TRPM6: variants seen among roughly 807,000 people sequenced by gnomAD.
The protein encoded by TRPM6 is channel kinase 2.
TRPM6 carries 111 observed loss-of-function variants against 247.6 expected under a neutral mutation model. That is an observed-to-expected ratio of 0.45 (90% CI 0.38 to 0.52). The LOEUF (loss-of-function observed/expected upper bound fraction) is 0.52. TRPM6 is among the 20% of genes least tolerant of loss of function. The pLI is 0.00. For missense variants in TRPM6, 2,126 were observed against 2,421.5 expected (o/e 0.88, Z 2.56); for synonymous variants, 892 against 853.8 (o/e 1.04, Z -0.78).
intron 20 of TRPM6, 66 bp from the exon 21 acceptor site, chr9:74,786,191 T>C: frequency 6.4e-7 from 1 of 1,562,976 alleles, no homozygotes; most frequent in Non-Finnish European, 8.8e-7. Context: ...AATATGATCT[T>C]CTTAAATACA....
chr9:74,814,727 G>A (rs1828865226), intron 11 of TRPM6, among the ~76,000 whole-genome samples: 3 of 152,168 alleles, frequency 2.0e-5, no homozygotes, highest in Admixed American at 6.5e-5. Context: ...GAGGCAGGTG[G>A]ATTGCTTGAG....
chr9:74,769,861 T>G (rs1826969927), intron 25 of TRPM6, among the ~76,000 whole-genome samples: 1 of 151,734 alleles, frequency 6.6e-6, no homozygotes, highest in Non-Finnish European at 1.5e-5. Flanking sequence ...AACTAGTAAG[T>G]GCCTAAAGCA....
At chr9:74,776,618 C>A (rs1827232032) in intron 23 of TRPM6, among the ~76,000 whole-genome samples, 1 of 152,106 alleles carries the variant, frequency 6.6e-6, no homozygotes, top group Non-Finnish European at 1.5e-5. Context: ...ATTAACTTTA[C>A]AATAAAAGTA....
At chr9:74,756,135 C>T (rs1006964454) in intron 27 of TRPM6, among the ~76,000 whole-genome samples, 76 of 152,186 alleles carry the variant, frequency 5.0e-4, no homozygotes, top group African/African-American at 1.8e-3. Context: ...GAACTCTGGA[C>T]ATTTGAACTA....
intron 1 of TRPM6, among the ~76,000 whole-genome samples, chr9:74,863,809 A>T (rs887463199): frequency 1.3e-5 from 2 of 151,410 alleles, no homozygotes; most frequent in Non-Finnish European, 2.9e-5. Flanking sequence ...GGTGGTCTCG[A>T]ACTCCTGACC....
chr9:74,887,252 T>C, intron 1 of TRPM6: 1 of 1,302,718 alleles, frequency 7.7e-7, no homozygotes, highest in South Asian at 2.7e-5. Context: ...CTGTCATCGC[T>C]CCGGGACTCC....
intron 19 of TRPM6, among the ~76,000 whole-genome samples, chr9:74,790,165 A>C (rs906963990): frequency 6.6e-6 from 1 of 152,140 alleles, no homozygotes; most frequent in Non-Finnish European, 1.5e-5. Context: ...AGCTTAAACC[A>C]TTTCTAACTA....
intron 2 of TRPM6, among the ~76,000 whole-genome samples, chr9:74,858,204 C>T (rs552471829): frequency 1.3e-3 from 191 of 152,258 alleles, no homozygotes; most frequent in African/African-American, 4.4e-3. Flanking sequence ...CTGGCTAACA[C>T]GGTGAAACCC....
intron 1 of TRPM6, among the ~76,000 whole-genome samples, chr9:74,885,022 T>C (rs1022059765): frequency 6.6e-6 from 1 of 152,222 alleles, no homozygotes; most frequent in Non-Finnish European, 1.5e-5. Flanking sequence ...AAAGCTGTGA[T>C]AGAAATAAAA....
At chr9:74,807,884 A>C in intron 14 of TRPM6, 150 bp downstream of exon 14, 1 of 881,308 alleles carries the variant, frequency 1.1e-6, no homozygotes, top group Non-Finnish European at 1.8e-6. Context: ...CACTTAGTAC[A>C]GTATACTTCA....
intron 15 of TRPM6, among the ~76,000 whole-genome samples, chr9:74,802,405 C>A (rs1828376258): frequency 6.6e-6 from 1 of 152,126 alleles, no homozygotes; most frequent in African/African-American, 2.4e-5. Flanking sequence ...ATCTTAAGGT[C>A]ATTTAGCATA....
At chr9:74,827,647 G>A in intron 7 of TRPM6, 131 bp downstream of exon 7, 2 of 891,054 alleles carry the variant, frequency 2.2e-6, no homozygotes, top group Non-Finnish European at 3.8e-6. Flanking sequence ...TGGGAAGGGG[G>A]GTGGCTGAAG....
chr9:74,858,823 A>G, intron 1 of TRPM6, 75 bp from the exon 2 acceptor site: 1 of 1,185,284 alleles, frequency 8.4e-7, no homozygotes, highest in East Asian at 2.4e-5. Context: ...TCCTGCAGGT[A>G]AGAAATACTC....
At chr9:74,826,202 C>T (rs1262764746) in intron 7 of TRPM6, among the ~76,000 whole-genome samples, 5 of 152,178 alleles carry the variant, frequency 3.3e-5, no homozygotes, top group Admixed American at 1.3e-4. Context: ...TCACAACAAA[C>T]GTTAGACGTA....
At chr9:74,782,912 C>T in intron 21 of TRPM6, 59 bp from the exon 22 acceptor site, 1 of 1,495,910 alleles carries the variant, frequency 6.7e-7, no homozygotes, top group Non-Finnish European at 9.3e-7. Flanking sequence ...CAAAAGAAAC[C>T]AAACACCAGC....
At chr9:74,774,641 C>T (rs1827156021) in intron 24 of TRPM6, among the ~76,000 whole-genome samples, 1 of 152,138 alleles carries the variant, frequency 6.6e-6, no homozygotes, top group Non-Finnish European at 1.5e-5. Flanking sequence ...AGCCCGCTAT[C>T]CCCTTAGCTG....
chr9:74,866,444 A>T (rs1209763789), intron 1 of TRPM6, among the ~76,000 whole-genome samples: 1 of 152,268 alleles, frequency 6.6e-6, no homozygotes, highest in South Asian at 2.1e-4. Context: ...TCATTCCACT[A>T]TCAGTAGGTT....
intron 36 of TRPM6, among the ~76,000 whole-genome samples, chr9:74,734,498 T>C (rs1470180398): frequency 6.6e-6 from 1 of 152,170 alleles, no homozygotes; most frequent in African/African-American, 2.4e-5. Context: ...GTGACCTGGA[T>C]ACCTCCCTTA....
At chr9:74,777,031 T>G (rs921085606) in intron 23 of TRPM6, among the ~76,000 whole-genome samples, 8 of 152,148 alleles carry the variant, frequency 5.3e-5, no homozygotes, top group African/African-American at 1.9e-4. Context: ...TGGGTAAGAA[T>G]AGAAGTTTCT....
Sources: gnomAD v4.1 joint callset for allele counts (sites outside exome capture counted in the v4.1 genomes callset) on GRCh38, gnomAD v4.1.1 for gene constraint, MANE v1.5 for transcripts, NCBI Gene and HGNC (gene_info 2026-07-23, HGNC 2026-07-21) for gene names.